The following MAP2K7 variants were observed in gnomAD, a reference collection of about 807,000 sequenced individuals.
MAP2K7 encodes dual specificity mitogen-activated protein kinase kinase 7.
A neutral mutation model predicts 47.7 loss-of-function variants in MAP2K7; 12 were observed. The ratio of observed to expected loss-of-function variants is 0.25; its 90% CI spans 0.16 to 0.41. MAP2K7 has a LOEUF of 0.41. Among genes scored for constraint, MAP2K7 ranks in the 10% least tolerant of loss-of-function variants. The pLI is 1.00. For synonymous variants in MAP2K7, 299 were observed against 243.0 expected, an observed-to-expected ratio of 1.23 and a Z score of -2.14; for missense variants, 415 against 600.3, an observed-to-expected ratio of 0.69 and a Z score of 3.23.
rs1270513471 is a variant in MAP2K7 at position 7,912,194 on chromosome 19, T to G, written c.1125T>G (p.Leu375=). The change falls in exon 10 of 11, where the codon CTT becomes CTG. Residue 375 remains leucine (L), a splice_region_variant and synonymous_variant. Coordinates refer to ENST00000397979, the MANE Select transcript of MAP2K7 (RefSeq NM_145185.4). ...AGAGACCAAAGTATAATAAGCTACT[T>G]GTGAGTACCTGAGCCCTCCCAGTCC... is the stretch of plus-strand genomic sequence containing the variant. ...HRKRPKYNKL[L]EHSFIKRYET... is the part of the protein sequence containing the mutation. 5 of 1,613,854 alleles carry G rather than the reference T, an allele frequency of 3.1e-6. No individual in the cohort carries two copies. The highest frequency in any genetic ancestry group is 1.6e-4 in the Middle Eastern group (1 of 6,082).
chr19:7,912,753 C>T lies in MAP2K7; in HGVS notation c.*322C>T. ...GGCCCCCAGGGGCCAGGAGAGAGCC[C>T]TGGAGTCCCGCAGCCACCATGCACG... On this transcript the variant is annotated 3_prime_UTR_variant, in exon 11 of 11. Transcript: ENST00000397979. 2.5e-6 allele frequency: 1 copy of T among 402,820 alleles called. No homozygotes were observed. The highest frequency in any genetic ancestry group is 4.6e-6 in the Non-Finnish European group (1 of 219,548). 25.0% of individuals were successfully genotyped at this position (402,820 alleles called of 1,614,324 possible). A position where few individuals can be genotyped will look rare whatever the true frequency, so the allele number is the denominator to read the frequency against.
chr19:7,904,193 C>T lies in MAP2K7; in HGVS notation c.124+125C>T, dbSNP rs569935737. 5.1e-4 allele frequency: 404 copies of T among 798,390 alleles called. 2 individuals carry two copies. Among genetic ancestry groups the T allele is most frequent in the Middle Eastern group, 3.0e-3 (6 of 1,994 alleles). 49.5% of individuals were successfully genotyped at this position (798,390 alleles called of 1,614,324 possible). A position where few individuals can be genotyped will look rare whatever the true frequency, so the allele number is the denominator to read the frequency against. ...GCGCTCGCTCTCCTCTCCGCCCCCCCCGCTGCGGGCTCGCGGGGCGAGGGT... is the reference window on the plus strand; with the variant it reads ...GCGCTCGCTCTCCTCTCCGCCCCCCTCGCTGCGGGCTCGCGGGGCGAGGGT... On this transcript the variant is annotated intron_variant, in intron 1 of 10. Transcript: ENST00000397979.
chr19:7,910,036 C>A, intron 2 of MAP2K7, 27 bp from the exon 3 acceptor site: 1 of 1,578,208 alleles, frequency 6.3e-7, no homozygotes, highest in Admixed American at 1.9e-5. Context: ...GGACCCACCT[C>A]CACCGGCACC....
chr19:7,908,784 C>G (rs1442545788), intron 1 of MAP2K7, among the ~76,000 whole-genome samples: 1 of 152,060 alleles, frequency 6.6e-6, no homozygotes, highest in African/African-American at 2.4e-5. Context: ...CCAGGGAGAC[C>G]CTAGCTCCTC....
chr19:7,911,804 G>A lies in MAP2K7; in HGVS notation c.1079+226G>A, dbSNP rs568303191. Among the ~76,000 whole-genome samples, 345 of 152,304 alleles carry A rather than the reference G, an allele frequency of 2.3e-3. 2 individuals carry two copies. Among genetic ancestry groups the A allele is most frequent in the African/African-American group, 7.7e-3 (322 of 41,562 alleles). Reference sequence around the variant, plus strand: ...GACAGCCAGCCCTGTGGCATTTGGCGGGGTGGCTGTTGGAGATTGTGAGCA... The same window carrying A: ...GACAGCCAGCCCTGTGGCATTTGGCAGGGTGGCTGTTGGAGATTGTGAGCA... On this transcript the variant is annotated intron_variant, in intron 9 of 10. Coordinates refer to ENST00000397979, the MANE Select transcript of MAP2K7 (RefSeq NM_145185.4).
chr19:7,907,832 C>T (rs1555700406), intron 1 of MAP2K7, among the ~76,000 whole-genome samples: 3 of 151,840 alleles, frequency 2.0e-5, no homozygotes, highest in Non-Finnish European at 4.4e-5. Flanking sequence ...GGCAGTGTCT[C>T]AAGAGATGCC....
chr19:7,911,104 G>T lies in MAP2K7; in HGVS notation c.800G>T (p.Arg267Leu). Residue 267 changes from arginine to leucine, a missense_variant, in exon 7 of 11, where the codon CGC becomes CTC. By Grantham distance (102) the Arg-to-Leu change is moderately radical. Around this residue, in one of 3 missense-constraint regions of MAP2K7, gnomAD observed 206 missense variants for 368.8 expected, o/e 0.56. Transcript: ENST00000397979. ...CTCTGCGACTTCGGCATCAGCGGCC[G>T]CCTGGTGGACTCCAAAGCCAAGACG... is the stretch of plus-strand genomic sequence containing the variant. ...IKLCDFGISGRLVDSKAKTRS... is the reference protein window; with the variant it reads ...IKLCDFGISGLLVDSKAKTRS... 6.2e-7 allele frequency: 1 copy of T among 1,612,450 alleles called. No homozygotes were observed. The highest frequency in any genetic ancestry group is 8.5e-7 in the Non-Finnish European group (1 of 1,179,844).
intron 1 of MAP2K7, among the ~76,000 whole-genome samples, chr19:7,908,380 T>C (rs1022125539): frequency 3.9e-5 from 6 of 152,034 alleles, no homozygotes; most frequent in Non-Finnish European, 5.9e-5. Flanking sequence ...CAGGACCAGA[T>C]AGGGGCAATG....
intron 9 of MAP2K7, 46 bp from the exon 10 acceptor site, chr19:7,912,103 C>T (rs1415220762): frequency 6.3e-7 from 1 of 1,589,780 alleles, no homozygotes; most frequent in South Asian, 1.1e-5. Context: ...GGCCGGCATC[C>T]CCTCCTCCCT....
chr19:7,910,040 C>G, intron 2 of MAP2K7, 23 bp from the exon 3 acceptor site: 1 of 1,582,230 alleles, frequency 6.3e-7, no homozygotes, highest in Non-Finnish European at 8.6e-7. Context: ...CCACCTCCAC[C>G]GGCACCTGCT....
intron 9 of MAP2K7, 150 bp downstream of exon 9, chr19:7,911,728 T>C: frequency 1.2e-6 from 1 of 813,824 alleles, no homozygotes; most frequent in Non-Finnish European, 1.9e-6. Context: ...CCACAGGAGC[T>C]GGAGCTGGTG....
intron 1 of MAP2K7, among the ~76,000 whole-genome samples, chr19:7,905,599 C>A (rs1339721295): frequency 6.6e-6 from 1 of 152,136 alleles, no homozygotes; most frequent in African/African-American, 2.4e-5. Context: ...GGCAGGCCCC[C>A]GAGGAGTCCC....
chr19:7,911,456 G>C lies in MAP2K7; in HGVS notation c.957G>C (p.Gln319His). ...GISLVELATG[Q>H]FPYKNCKTDF... is the part of the protein sequence containing the mutation. Reference sequence around the variant, plus strand: ...CCCAGGTGGAGCTGGCAACAGGACAGTTTCCCTACAAGAACTGCAAGACGG... The same window carrying C: ...CCCAGGTGGAGCTGGCAACAGGACACTTTCCCTACAAGAACTGCAAGACGG... The change falls in exon 9 of 11, where the codon CAG becomes CAC. Residue 319 changes from glutamine to histidine, a missense_variant. Physicochemically the swap from Gln to His is conservative, Grantham distance 24. This residue lies in a region of MAP2K7 where 206 missense variants were observed against 368.8 expected (regional missense o/e 0.56). Transcript: ENST00000397979. The C allele has an allele frequency of 6.2e-7, 1 of 1,613,578 alleles. No individual in the cohort carries two copies. The highest frequency in any genetic ancestry group is 8.5e-7 in the Non-Finnish European group (1 of 1,179,974).
At position 7,911,339 on chromosome 19, in the gene MAP2K7, G is replaced by A. The variant is rs1982852297; in HGVS notation, c.936+9G>A. On this transcript the variant is annotated intron_variant, in intron 8 of 10. Coordinates refer to ENST00000397979, the MANE Select transcript of MAP2K7 (RefSeq NM_145185.4). ...GCCTGGGCATCTCGTTGGTGAGTTG[G>A]GGCCCTCCCCTGTTCTCCAGCCAGG... 1 of 1,613,424 alleles carries A rather than the reference G, an allele frequency of 6.2e-7. No individual in the cohort carries two copies. The highest frequency in any genetic ancestry group is 8.5e-7 in the Non-Finnish European group (1 of 1,180,002).
chr19:7,908,812 G>C (rs1447543372), intron 1 of MAP2K7, among the ~76,000 whole-genome samples: 1 of 152,066 alleles, frequency 6.6e-6, no homozygotes, highest in Non-Finnish European at 1.5e-5. Context: ...CTGCCCTCCT[G>C]TCCCAGGCCC....
chr19:7,908,049 C>CAGCT (rs920229138), intron 1 of MAP2K7, among the ~76,000 whole-genome samples: 9 of 152,006 alleles, frequency 5.9e-5, no homozygotes, highest in Admixed American at 2.6e-4. Context: ...CCTATAATCC[C>CAGCT]AGCTACTCAG....
chr19:7,908,246 G>A (rs1982590901), intron 1 of MAP2K7, among the ~76,000 whole-genome samples: 1 of 152,008 alleles, frequency 6.6e-6, no homozygotes, highest in Non-Finnish European at 1.5e-5. Flanking sequence ...CACGGGAGGT[G>A]AGGCCTCTAG....
At chr19:7,904,498 G>T (rs1254370075) in intron 1 of MAP2K7, 3 of 322,538 alleles carry the variant, frequency 9.3e-6, no homozygotes, top group South Asian at 2.1e-5. Flanking sequence ...TGTCAGCCCC[G>T]TGCAGCGACG....
chr19:7,912,655 G>C lies in MAP2K7; in HGVS notation c.*224G>C, dbSNP rs954119671. On this transcript the variant is annotated 3_prime_UTR_variant, in exon 11 of 11. Transcript: ENST00000397979. ...AGCCGGCCGTGTGCGTCCCCCGACA[G>C]ACACTGTGAACGGAAGACAGCAGGC... is the stretch of plus-strand genomic sequence containing the variant. 9 of 585,446 alleles carry C rather than the reference G, an allele frequency of 1.5e-5. No homozygotes were observed. Among genetic ancestry groups the C allele is most frequent in the Non-Finnish European group, 2.4e-5 (8 of 334,706 alleles). 36.3% of individuals were successfully genotyped at this position (585,446 alleles called of 1,614,324 possible). A position where few individuals can be genotyped will look rare whatever the true frequency, so the allele number is the denominator to read the frequency against.
Sources: gnomAD v4.1 joint callset for allele counts (sites outside exome capture counted in the v4.1 genomes callset) on GRCh38, gnomAD v4.1.1 for gene constraint, gnomAD v4.1.1 regional missense constraint, MANE v1.5 for transcripts, NCBI Gene and HGNC (gene_info 2026-07-23, HGNC 2026-07-21) for gene names.